TMPRSS11D: variants seen among roughly 807,000 people sequenced by gnomAD.
TMPRSS11D encodes transmembrane serine protease 11D.
A neutral mutation model predicts 44.4 loss-of-function variants in TMPRSS11D; 32 were observed. The observed-to-expected ratio is 0.72, with a 90% confidence interval of 0.54 to 0.97. The LOEUF (loss-of-function observed/expected upper bound fraction) is 0.97, where lower values mean the gene tolerates loss of function less well. Ranked by LOEUF, TMPRSS11D falls within the 50% of genes least tolerant of loss-of-function variation. The pLI, the probability that TMPRSS11D is intolerant of heterozygous loss-of-function variation, is 0.00. For missense variants in TMPRSS11D, 446 were observed against 502.6 expected (o/e 0.89, Z 1.08); for synonymous variants, 179 against 177.9 (o/e 1.01, Z -0.05).
intron 1 of TMPRSS11D, among the ~76,000 whole-genome samples, chr4:67,866,964 C>G (rs1718939368): frequency 6.6e-6 from 1 of 151,498 alleles, no homozygotes; most frequent in Admixed American, 6.6e-5. Context: ...TCATTTTTCA[C>G]AGAATTAGAA....
At chr4:67,845,034 G>A (rs1228019135) in intron 3 of TMPRSS11D, among the ~76,000 whole-genome samples, 1 of 152,168 alleles carries the variant, frequency 6.6e-6, no homozygotes, top group African/African-American at 2.4e-5. Flanking sequence ...AGTGGTTCTT[G>A]TAATTATATT....
intron 2 of TMPRSS11D, among the ~76,000 whole-genome samples, chr4:67,858,012 A>C (rs1718696706): frequency 6.6e-6 from 1 of 152,208 alleles, no homozygotes; most frequent in Admixed American, 6.5e-5. Flanking sequence ...TAAAACAACA[A>C]AAACAACAAC....
chr4:67,849,446 GA>G (rs1257111398), intron 3 of TMPRSS11D, among the ~76,000 whole-genome samples: 1 of 152,120 alleles, frequency 6.6e-6, no homozygotes, highest in Non-Finnish European at 1.5e-5. Flanking sequence ...TGTCAGAGGA[GA>G]GGTGGACATA....
intron 4 of TMPRSS11D, chr4:67,839,035 A>C (rs1718169908): frequency 6.6e-6 from 1 of 152,040 alleles, no homozygotes; most frequent in Non-Finnish European, 1.5e-5. Flanking sequence ...CAGTTCCTCC[A>C]CCTGACATTG....
At chr4:67,875,131 T>C (rs1250662278) in intron 1 of TMPRSS11D, among the ~76,000 whole-genome samples, 1 of 152,200 alleles carries the variant, frequency 6.6e-6, no homozygotes, top group Non-Finnish European at 1.5e-5. Context: ...GAGGATTTTG[T>C]ATTATAATGA....
At chr4:67,857,237 G>T (rs1718659938) in intron 2 of TMPRSS11D, among the ~76,000 whole-genome samples, 1 of 148,524 alleles carries the variant, frequency 6.7e-6, no homozygotes. Flanking sequence ...CAACCTATGT[G>T]TCCATCAACA....
chr4:67,856,992 G>A (rs1180162482), intron 2 of TMPRSS11D, among the ~76,000 whole-genome samples: 1 of 151,994 alleles, frequency 6.6e-6, no homozygotes. Context: ...AACAGATGCT[G>A]GTGAGAGTGC....
At chr4:67,857,289 ATATATATATATATAT>A (rs1169920118) in intron 2 of TMPRSS11D, among the ~76,000 whole-genome samples, 4 of 76,510 alleles carry the variant, frequency 5.2e-5, no homozygotes, top group Non-Finnish European at 1.0e-4. Context: ...ATATATATAT[ATATATATATATATAT>A]ATATATATAT....
chr4:67,827,629 C>CT (rs1717836388), intron 7 of TMPRSS11D, 109 bp from the exon 8 acceptor site: 14 of 1,199,370 alleles, frequency 1.2e-5, no homozygotes, highest in Non-Finnish European at 1.6e-5. Context: ...ATTGGATCCA[C>CT]ATCTCTTTGC....
chr4:67,881,178 C>A (rs900373336), intron 1 of TMPRSS11D, among the ~76,000 whole-genome samples: 1 of 152,156 alleles, frequency 6.6e-6, no homozygotes, highest in Non-Finnish European at 1.5e-5. Context: ...GGTTCCCTTA[C>A]AGCAGTAAAT....
intron 3 of TMPRSS11D, among the ~76,000 whole-genome samples, chr4:67,847,576 G>A (rs779658544): frequency 6.6e-6 from 1 of 152,124 alleles, no homozygotes; most frequent in African/African-American, 2.4e-5. Flanking sequence ...GTGTGCTGAA[G>A]CCTGGTCAGT....
intron 7 of TMPRSS11D, among the ~76,000 whole-genome samples, chr4:67,832,149 A>T (rs1353448241): frequency 6.6e-6 from 1 of 152,164 alleles, no homozygotes; most frequent in African/African-American, 2.4e-5. Flanking sequence ...AATGCTGTTT[A>T]TCTGAAGCTC....
chr4:67,861,143 T>C (rs78768579), intron 1 of TMPRSS11D, among the ~76,000 whole-genome samples: 7 of 152,274 alleles, frequency 4.6e-5, no homozygotes, highest in African/African-American at 1.2e-4. Context: ...GCTATAACTT[T>C]ATGATGTCTT....
chr4:67,847,588 C>T (rs1326290964), intron 3 of TMPRSS11D, among the ~76,000 whole-genome samples: 1 of 151,966 alleles, frequency 6.6e-6, no homozygotes, highest in Non-Finnish European at 1.5e-5. Flanking sequence ...CTGGTCAGTC[C>T]CACTGTATTA....
intron 8 of TMPRSS11D, 139 bp from the exon 9 acceptor site, chr4:67,826,013 G>T (rs764292598): frequency 1.9e-6 from 2 of 1,066,736 alleles, no homozygotes; most frequent in Non-Finnish European, 2.5e-6. Flanking sequence ...ATTTACTTTG[G>T]AGTTTCTTCG....
At chr4:67,848,770 G>A (rs907080573) in intron 3 of TMPRSS11D, among the ~76,000 whole-genome samples, 1 of 152,206 alleles carries the variant, frequency 6.6e-6, no homozygotes, top group African/African-American at 2.4e-5. Flanking sequence ...AAGAAAGCCA[G>A]TGCAACTGTA....
At chr4:67,843,009 C>A (rs983073540) in intron 3 of TMPRSS11D, among the ~76,000 whole-genome samples, 1 of 150,598 alleles carries the variant, frequency 6.6e-6, no homozygotes, top group African/African-American at 2.4e-5. Flanking sequence ...GTGATCCCAA[C>A]AATTGCTTTT....
At chr4:67,851,379 G>A (rs1237449540) in intron 3 of TMPRSS11D, among the ~76,000 whole-genome samples, 8 of 152,210 alleles carry the variant, frequency 5.3e-5, no homozygotes, top group African/African-American at 1.7e-4. Context: ...ATTTCGGACT[G>A]CACTCCTGTG....
intron 8 of TMPRSS11D, among the ~76,000 whole-genome samples, chr4:67,826,246 T>C (rs1226029555): frequency 1.3e-5 from 2 of 152,102 alleles, no homozygotes; most frequent in Non-Finnish European, 1.5e-5. Context: ...CCAGTCTAGT[T>C]TCAAGGCTAA....
Sources: gnomAD v4.1 joint callset for allele counts (sites outside exome capture counted in the v4.1 genomes callset) on GRCh38, gnomAD v4.1.1 for gene constraint, MANE v1.5 for transcripts, NCBI Gene and HGNC (gene_info 2026-07-23, HGNC 2026-07-21) for gene names.